PEAR1: variants seen among roughly 807,000 people sequenced by gnomAD.
PEAR1 encodes multiple EGF-like domains protein 12.
PEAR1 carries 113 observed loss-of-function variants against 131.2 expected under a neutral mutation model. The observed-to-expected ratio is 0.86, with a 90% CI of 0.74 to 1.01. PEAR1 has a LOEUF of 1.01. Ranked by LOEUF, PEAR1 falls within the 50% of genes least tolerant of loss-of-function variation. The pLI is 0.00. For synonymous variants in PEAR1, 565 were observed against 523.3 expected (o/e 1.08, Z -1.09); for missense variants, 1,408 against 1,391.1 (o/e 1.01, Z -0.19).
chr1:156,906,261 C>T lies in PEAR1; in HGVS notation c.308-15C>T. 6.2e-7 allele frequency: 1 copy of T among 1,612,844 alleles called. No individual in the cohort carries two copies. The highest frequency in any genetic ancestry group is 8.5e-7 in the Non-Finnish European group (1 of 1,178,922). On this transcript the variant is annotated splice_polypyrimidine_tract_variant and intron_variant, in intron 4 of 22. Transcript: ENST00000292357. ...CAGGGGTGGACACATCTCACCACAC[C>T]CATCTCTGTCCCAGCGCTCTGTGCC...
chr1:156,914,766 CCAT>C lies in PEAR1; in HGVS notation c.3085_3087del (p.Ser1029del). Reference sequence around the variant, plus strand: ...TGACTTGCCTCCAGTACGGCATCCCCCATCACCTCCACTTCGACGCCAGGACCG... The same window carrying C: ...TGACTTGCCTCCAGTACGGCATCCCCCACCTCCACTTCGACGCCAGGACCG... On this transcript the variant is annotated inframe_deletion, in exon 23 of 23. Coordinates refer to ENST00000292357, the MANE Select transcript of PEAR1 (RefSeq NM_001080471.3). The C allele has an allele frequency of 1.2e-6, 2 of 1,613,986 alleles. No homozygotes were observed. The highest frequency in any genetic ancestry group is 1.6e-4 in the Middle Eastern group (1 of 6,062).
chr1:156,914,960 T>G lies in PEAR1; in HGVS notation c.*162T>G. On this transcript the variant is annotated 3_prime_UTR_variant, in exon 23 of 23. Coordinates refer to ENST00000292357, the MANE Select transcript of PEAR1 (RefSeq NM_001080471.3). ...AGTGATGGGAGCCTTGTTCCTGGGTTCTACCATGGGAGACGCTGATCAGCA... is the reference window on the plus strand; with the variant it reads ...AGTGATGGGAGCCTTGTTCCTGGGTGCTACCATGGGAGACGCTGATCAGCA... The G allele has an allele frequency of 1.3e-6, 1 of 798,586 alleles. No homozygotes were observed. The highest frequency in any genetic ancestry group is 1.8e-6 in the Non-Finnish European group (1 of 542,598). The allele number at this position is 798,586 out of a possible 1,614,324, so 49.5% of individuals were successfully genotyped here.
chr1:156,911,304 C>T (rs1228202747), intron 15 of PEAR1, among the ~76,000 whole-genome samples: 6 of 121,920 alleles, frequency 4.9e-5, no homozygotes, highest in African/African-American at 2.0e-4. Context: ...TTTTTTGACA[C>T]GGAATCTCAC....
intron 1 of PEAR1, among the ~76,000 whole-genome samples, chr1:156,894,148 G>A (rs1648928865): frequency 6.6e-6 from 1 of 152,182 alleles, no homozygotes; most frequent in South Asian, 2.1e-4. Flanking sequence ...GGGGCAGCCT[G>A]GCTCACTGCC....
chr1:156,905,362 C>A lies in PEAR1; in HGVS notation c.245C>A (p.Thr82Lys). The A allele has an allele frequency of 6.2e-7, 1 of 1,611,524 alleles. No individual in the cohort carries two copies. Among genetic ancestry groups the A allele is most frequent in the Non-Finnish European group, 8.5e-7 (1 of 1,179,114 alleles). ...YRTVYRQVVK[T>K]DHRQRLQCCH... ...ACCGTGTACCGTCAGGTGGTGAAGA[C>A]GGACCACCGCCAGCGCCTGCAGTGC... Residue 82 changes from threonine (T) to lysine (K), a missense_variant, in exon 4 of 23, where the codon ACG becomes AAG. By Grantham distance (78) the Thr-to-Lys change is moderately conservative. Transcript: ENST00000292357.
At position 156,908,439 on chromosome 1, in the gene PEAR1, G is replaced by A; in HGVS notation, c.1115+99G>A. The A allele has an allele frequency of 7.3e-7, 1 of 1,369,870 alleles. No homozygotes were observed. The highest frequency in any genetic ancestry group is 9.6e-7 in the Non-Finnish European group (1 of 1,036,946). 84.9% of individuals were successfully genotyped at this position (1,369,870 alleles called of 1,614,324 possible). ...GCCAGGGCCATATCCAAGGGGGACA[G>A]GTGTCACAGAAGGGGAAAGGGAGGG... On this transcript the variant is annotated intron_variant, in intron 9 of 22. Transcript: ENST00000292357. The surrounding 1 kb of genome is among the most constrained non-coding windows in gnomAD (Gnocchi z 4.2).
rs1402864150 is a variant in PEAR1 at position 156,906,600 on chromosome 1, C to A, written c.401-37C>A. 3.7e-6 allele frequency: 6 copies of A among 1,612,206 alleles called. No homozygotes were observed. In the East Asian group the frequency reaches 8.9e-5, roughly 24 times the overall value. ...ACGGGGAGGCTGGGGATGGACTAGA[C>A]CCCTGGTGACCCCCTTCCCGCCTCC... is the stretch of plus-strand genomic sequence containing the variant. On this transcript the variant is annotated intron_variant, in intron 5 of 22. Transcript: ENST00000292357.
Position 156,902,718 on chromosome 1 carries a change from G to A in PEAR1, c.-9-1200G>A, listed in dbSNP as rs1020791609. Among the ~76,000 whole-genome samples, 7 of 152,118 alleles carry A rather than the reference G, an allele frequency of 4.6e-5. No homozygotes were observed. Among genetic ancestry groups the A allele is most frequent in the South Asian group, 2.1e-4 (1 of 4,828 alleles). ...AATTATAAGCAGATGTGGGCGCCTC[G>A]GGGAGGCGTAGAGCAGGGAGCCAGA... is the stretch of plus-strand genomic sequence containing the variant. On this transcript the variant is annotated intron_variant, in intron 1 of 22. Transcript: ENST00000292357. This position sits in a 1 kb window ranked among gnomAD's most constrained non-coding sequence, Gnocchi z 4.3.
In PEAR1 at chr1:156,908,909, C is replaced by G. The variant is rs1163196324; in HGVS notation, c.1291-7C>G. 3 of 1,612,806 alleles carry G rather than the reference C, an allele frequency of 1.9e-6. No individual in the cohort carries two copies. Among genetic ancestry groups the G allele is most frequent in the Admixed American group, 3.3e-5 (2 of 59,998 alleles). ...GCCGCCCCTCTCACCCGCTCACCCT[C>G]TTTCAGGGCCCTCACTGTGCTAGTC... On this transcript the variant is annotated splice_region_variant and splice_polypyrimidine_tract_variant and intron_variant, in intron 10 of 22. Transcript: ENST00000292357. This position sits in a 1 kb window ranked among gnomAD's most constrained non-coding sequence, Gnocchi z 4.2.
intron 6 of PEAR1, 80 bp from the exon 7 acceptor site, chr1:156,907,530 T>C (rs1421974342): frequency 6.5e-7 from 1 of 1,539,140 alleles, no homozygotes; most frequent in Non-Finnish European, 8.8e-7. Context: ...AGGTGGGGGT[T>C]GTGGGGGCAG....
Position 156,906,822 on chromosome 1 carries a change from G to A in PEAR1, c.586G>A (p.Ala196Thr), listed in dbSNP as rs775642928. 10 of 1,614,210 alleles carry A rather than the reference G, an allele frequency of 6.2e-6. 1 individual carries two copies. In the South Asian group the frequency reaches 1.1e-4, roughly 18 times the overall value. The change falls in exon 6 of 23, where the codon GCA (alanine) becomes ACA (threonine). Residue 196 changes from alanine (A) to threonine (T), a missense_variant. Transcript: ENST00000292357. The part of the protein sequence containing the change: ...ACQFRCQCHG[A>T]PCDPQTGACF... ...CCAGTTCCGCTGCCAGTGCCATGGG[G>A]CACCCTGCGATCCCCAGACTGGAGC...
chr1:156,910,148 G>T, intron 13 of PEAR1, 40 bp downstream of exon 13: 3 of 1,613,666 alleles, frequency 1.9e-6, no homozygotes, highest in Non-Finnish European at 2.5e-6. Context: ...TGGATTGGGG[G>T]ATGCATCCAT....
chr1:156,912,431 A>T, intron 16 of PEAR1, 56 bp downstream of exon 16: 1 of 1,603,328 alleles, frequency 6.2e-7, no homozygotes, highest in Non-Finnish European at 8.5e-7. Context: ...CTTACCCAAA[A>T]AAAGGAGACT....
In PEAR1 at chr1:156,913,918, C is replaced by T; in HGVS notation, c.2780C>T (p.Thr927Ile). 1.2e-6 allele frequency: 2 copies of T among 1,614,056 alleles called. No homozygotes were observed. ...ASLSSENPYA[T>I]IRDLPSLPGG... ...CTGAGCAGTGAGAACCCATATGCCACCATCCGGGACCTGCCCAGCTTGCCA... is the reference window on the plus strand; with the variant it reads ...CTGAGCAGTGAGAACCCATATGCCATCATCCGGGACCTGCCCAGCTTGCCA... Residue 927 changes from threonine to isoleucine, a missense_variant, in exon 22 of 23, where the codon ACC becomes ATC. Physicochemically the swap from Thr to Ile is moderately conservative, Grantham distance 89. Transcript: ENST00000292357.
At chr1:156,903,784 C>A (rs1040034660) in intron 1 of PEAR1, 134 bp from the exon 2 acceptor site, 2 of 690,038 alleles carry the variant, frequency 2.9e-6, no homozygotes, top group Non-Finnish European at 5.1e-6. Context: ...AGCTGGAGCT[C>A]AGAGCAAGGG....
chr1:156,912,101 A>G (rs1453062806), intron 15 of PEAR1, 146 bp from the exon 16 acceptor site: 1 of 993,590 alleles, frequency 1.0e-6, no homozygotes, highest in Non-Finnish European at 1.4e-6. Flanking sequence ...ATCATTTGTG[A>G]GTCATTGGTT....
chr1:156,911,037 T>TTTTCTTTCTTTCTTTCTTTCTTTTTTTC (rs1651015476), intron 15 of PEAR1, among the ~76,000 whole-genome samples: 2 of 113,274 alleles, frequency 1.8e-5, no homozygotes, highest in African/African-American at 7.4e-5. Context: ...CTTGATTTCT[T>TTTTCTTTCTTTCTTTCTTTCTTTTTTTC]TTTCTTTCTT....
At chr1:156,894,103 T>A (rs1648923422) in intron 1 of PEAR1, among the ~76,000 whole-genome samples, 2 of 152,120 alleles carry the variant, frequency 1.3e-5, no homozygotes, top group Admixed American at 1.3e-4. Context: ...GCGAGGTTGT[T>A]CCCTAAGCCC....
At chr1:156,912,455 G>T in intron 16 of PEAR1, 39 bp from the exon 17 acceptor site, 1 of 1,604,892 alleles carries the variant, frequency 6.2e-7, no homozygotes, top group Non-Finnish European at 8.5e-7. Context: ...GTTTCCTGGC[G>T]GCTCTGATGC....
Sources: allele counts gnomAD v4.1 joint callset (sites outside exome capture counted in the v4.1 genomes callset), GRCh38; gene constraint gnomAD v4.1.1; non-coding constraint Gnocchi (gnomAD v3.1); transcripts MANE v1.5; gene names NCBI Gene and HGNC (gene_info 2026-07-23, HGNC 2026-07-21).